Variants in DIP2A observed in about 807,000 individuals in gnomAD.
The protein encoded by DIP2A is disco-interacting protein 2 homolog A.
Under a neutral mutation model 177.4 loss-of-function variants are expected in DIP2A, and 85 were observed. That is an observed-to-expected ratio of 0.48 (90% CI 0.40 to 0.57). The LOEUF (loss-of-function observed/expected upper bound fraction) is 0.57, where lower values mean the gene tolerates loss of function less well. DIP2A is among the 20% of genes least tolerant of loss of function. The probability of loss-of-function intolerance (pLI) is 0.00; values close to 1 mark genes in which losing one functional copy is unlikely to be tolerated. For missense variants in DIP2A, 1,791 were observed against 2,100.2 expected (o/e 0.85, Z 2.88); for synonymous variants, 886 against 881.8 (o/e 1.00, Z -0.08).
At chr21:46,554,500 C>A in intron 26 of DIP2A, 75 bp from the exon 27 acceptor site, 1 of 1,577,826 alleles carries the variant, frequency 6.3e-7, no homozygotes, top group Non-Finnish European at 8.6e-7. Flanking sequence ...CCTCCTCTCT[C>A]GCAGGAACAG....
chr21:46,488,836 G>T (rs2056839138), intron 2 of DIP2A, among the ~76,000 whole-genome samples: 1 of 152,074 alleles, frequency 6.6e-6, no homozygotes, highest in South Asian at 2.1e-4. Context: ...ATTGGGTTTT[G>T]TATCTATCTT....
intron 1 of DIP2A, among the ~76,000 whole-genome samples, chr21:46,465,845 C>T (rs1028790785): frequency 5.3e-5 from 8 of 152,072 alleles, no homozygotes; most frequent in Non-Finnish European, 2.9e-5. Context: ...TTTTGAGAAA[C>T]AGCAATTGTG....
Position 46,556,899 on chromosome 21 carries a change from C to A in DIP2A, c.3499-40C>A. On this transcript the variant is annotated intron_variant, in intron 29 of 37. Transcript: ENST00000417564. This position sits in a 1 kb window ranked among gnomAD's most constrained non-coding sequence, Gnocchi z 4.5. The stretch of plus-strand genomic sequence containing the variant: ...ATCCACCCTCTCCCCTCCTGAATTT[C>A]ATTTCACTTTTTTTTTTTGAACTTT... The A allele has an allele frequency of 6.6e-7, 1 of 1,506,232 alleles. No individual in the cohort carries two copies. The highest frequency in any genetic ancestry group is 2.5e-5 in the East Asian group (1 of 40,560). 93.3% of individuals were successfully genotyped at this position (1,506,232 alleles called of 1,614,324 possible).
At chr21:46,473,467 AG>A (rs36017287) in intron 1 of DIP2A, among the ~76,000 whole-genome samples, 3,997 of 117,970 alleles carry the variant, frequency 0.034, 96 homozygotes, top group African/African-American at 0.068. Context: ...GGAAAAAAAA[AG>A]GGGGGGGGGC....
At chr21:46,478,991 T>C (rs2056139114) in intron 1 of DIP2A, among the ~76,000 whole-genome samples, 1 of 152,192 alleles carries the variant, frequency 6.6e-6, no homozygotes, top group Admixed American at 6.5e-5. Flanking sequence ...TGGGAATAGA[T>C]GCAGTCCAAG....
At chr21:46,546,246 A>G (rs1014109875) in intron 20 of DIP2A, 3 of 1,232,388 alleles carry the variant, frequency 2.4e-6, no homozygotes, top group East Asian at 3.4e-5. Flanking sequence ...AGTATTCATT[A>G]TATCATTCTT....
intron 13 of DIP2A, among the ~76,000 whole-genome samples, chr21:46,536,819 G>A (rs891642622): frequency 6.6e-6 from 1 of 151,834 alleles, no homozygotes; most frequent in Non-Finnish European, 1.5e-5. Flanking sequence ...CAGGAGAATT[G>A]CTTGAACCTG....
rs1168153777 is a variant in DIP2A, at chr21:46,464,817, C to CTTTTTTTTTTTTTTTTTTTTTTTTT, written c.91+5598_91+5622dup. On this transcript the variant is annotated intron_variant, in intron 1 of 37. Transcript: ENST00000417564. ...TCTTCCTTTTTCTTAATATTCATGT[C>CTTTTTTTTTTTTTTTTTTTTTTTTT]TTTTTTTTTTTTTTTTTTTTTTTTT... 3.5e-4 allele frequency among the ~76,000 whole-genome samples: 26 copies of CTTTTTTTTTTTTTTTTTTTTTTTTT among 73,438 alleles called. 5 individuals are homozygous for CTTTTTTTTTTTTTTTTTTTTTTTTT. Among genetic ancestry groups the CTTTTTTTTTTTTTTTTTTTTTTTTT allele is most frequent in the South Asian group, 5.3e-4 (1 of 1,870 alleles). The allele number at this position is 73,438 out of a possible 152,430, so 48.2% of individuals were successfully genotyped here. A position where few individuals can be genotyped will look rare whatever the true frequency, so the allele number is the denominator to read the frequency against.
intron 21 of DIP2A, 95 bp downstream of exon 21, chr21:46,547,137 AT>A: frequency 6.6e-7 from 1 of 1,516,728 alleles, no homozygotes; most frequent in Non-Finnish European, 8.9e-7. Context: ...GCAAACTTGA[AT>A]TCACAAAGCC....
intron 18 of DIP2A, among the ~76,000 whole-genome samples, chr21:46,543,541 G>GCTCCCCAAGGCA (rs1569078089): frequency 8.1e-5 from 2 of 24,772 alleles, no homozygotes; most frequent in Non-Finnish European, 1.5e-4. Context: ...CGTGCAAAGC[G>GCTCCCCAAGGCA]CTCCCCCAGG....
intron 25 of DIP2A, chr21:46,553,930 G>A (rs927303698): frequency 1.1e-5 from 3 of 280,206 alleles, no homozygotes; most frequent in Admixed American, 1.1e-4. Flanking sequence ...TTGAGAGGCT[G>A]AGGCGGGCAG....
At position 46,557,159 on chromosome 21, in the gene DIP2A, C is replaced by T; in HGVS notation, c.3629+90C>T. 2 of 1,419,168 alleles carry T rather than the reference C, an allele frequency of 1.4e-6. No individual in the cohort carries two copies. Among genetic ancestry groups the T allele is most frequent in the South Asian group, 2.8e-5 (2 of 72,718 alleles). 87.9% of individuals were successfully genotyped at this position (1,419,168 alleles called of 1,614,324 possible). A position where few individuals can be genotyped will look rare whatever the true frequency, so the allele number is the denominator to read the frequency against. ...CCTTCTAAGGCACCTTTTCTGGGTGCTCAGGAAGCCGATGAGATGTGTGTG... is the reference window on the plus strand; with the variant it reads ...CCTTCTAAGGCACCTTTTCTGGGTGTTCAGGAAGCCGATGAGATGTGTGTG... On this transcript the variant is annotated intron_variant, in intron 30 of 37. Transcript: ENST00000417564. This position sits in a 1 kb window ranked among gnomAD's most constrained non-coding sequence, Gnocchi z 6.0.
Position 46,554,875 on chromosome 21 carries a change from G to T in DIP2A, c.3330G>T (p.Arg1110Ser), listed in dbSNP as rs545302132. 2 of 1,551,270 alleles carry T rather than the reference G, an allele frequency of 1.3e-6. No homozygotes were observed. Among genetic ancestry groups the T allele is most frequent in the Non-Finnish European group, 1.7e-6 (2 of 1,147,836 alleles). ...CGCAGGCTGTCACACGGCTGCTCAGGTCCAAGGAGGCTGCTGCTGCCGTGG... is the reference window on the plus strand; with the variant it reads ...CGCAGGCTGTCACACGGCTGCTCAGTTCCAAGGAGGCTGCTGCTGCCGTGG... ...LTTQAVTRLL[R>S]SKEAAAAVDI... Residue 1110 changes from arginine (R) to serine (S), a missense_variant, in exon 28 of 38, where the codon AGG becomes AGT. Coordinates refer to ENST00000417564, the MANE Select transcript of DIP2A (RefSeq NM_015151.4).
chr21:46,544,333 G>T (rs112711875), intron 18 of DIP2A, among the ~76,000 whole-genome samples: 66 of 152,312 alleles, frequency 4.3e-4, no homozygotes, highest in South Asian at 3.1e-3. Flanking sequence ...CGGAAAGGCC[G>T]AGAAATTGAA....
rs8127425 is a variant in DIP2A, at chr21:46,563,208, G to A, written c.4090-650G>A. Among the ~76,000 whole-genome samples the A allele has an allele frequency of 5.5e-4, 84 of 152,240 alleles. No homozygotes were observed. The highest frequency in any genetic ancestry group is 1.9e-3 in the African/African-American group (78 of 41,546). ...CGTAGCTCACACCTCCCTGTGGCCC[G>A]TCGTCCCCTCCTCTTGCCTGCCCTG... is the stretch of plus-strand genomic sequence containing the variant. On this transcript the variant is annotated intron_variant, in intron 34 of 37. Coordinates refer to ENST00000417564, the MANE Select transcript of DIP2A (RefSeq NM_015151.4). This position sits in a 1 kb window ranked among gnomAD's most constrained non-coding sequence, Gnocchi z 4.3.
At position 46,498,794 on chromosome 21, in the gene DIP2A, A is replaced by C. The variant is rs1360198742; in HGVS notation, c.616A>C (p.Thr206Pro). 3 of 1,613,610 alleles carry C rather than the reference A, an allele frequency of 1.9e-6. No homozygotes were observed. The highest frequency in any genetic ancestry group is 1.7e-6 in the Non-Finnish European group (2 of 1,179,848). ...SAAATPGAAA[T>P]TALAGLEAHT... is the part of the protein sequence containing the mutation. The stretch of plus-strand genomic sequence containing the variant: ...TGCAGCCACGCCGGGGGCCGCCGCT[A>C]CCACTGCACTCGCAGGCCTCGAGGC... The change falls in exon 5 of 38, where the codon ACC becomes CCC. Residue 206 changes from threonine to proline, a missense_variant. Coordinates refer to ENST00000417564, the MANE Select transcript of DIP2A (RefSeq NM_015151.4). The surrounding 1 kb of genome is among the most constrained non-coding windows in gnomAD (Gnocchi z 4.3).
In DIP2A at chr21:46,539,921, A is replaced by G; in HGVS notation, c.1966A>G (p.Arg656Gly). ...CDAFLNVFQS[R>G]GLRPEVICPC... ...CGCCTTCCTCAACGTCTTCCAGTCCAGAGGTCTGAGGCCAGAGGTCATCTG... is the reference window on the plus strand; with the variant it reads ...CGCCTTCCTCAACGTCTTCCAGTCCGGAGGTCTGAGGCCAGAGGTCATCTG... The change falls in exon 17 of 38, where the codon AGA becomes GGA. Residue 656 changes from arginine (R) to glycine (G), a missense_variant. Arg to Gly is a moderately radical substitution (Grantham distance 125, BLOSUM62 -2). Coordinates refer to ENST00000417564, the MANE Select transcript of DIP2A (RefSeq NM_015151.4). 6.2e-7 allele frequency: 1 copy of G among 1,613,994 alleles called. No homozygotes were observed. The highest frequency in any genetic ancestry group is 8.5e-7 in the Non-Finnish European group (1 of 1,179,882).
chr21:46,480,072 TG>T (rs774653073), intron 1 of DIP2A, among the ~76,000 whole-genome samples: 20,877 of 102,890 alleles, frequency 0.2, 1,757 homozygotes, highest in Middle Eastern at 0.27. Flanking sequence ...TTTTTTTTTT[TG>T]TGTGGCATCT....
At chr21:46,560,848 G>A (rs1318690813) in intron 33 of DIP2A, 65 bp downstream of exon 33, 7 of 1,552,914 alleles carry the variant, frequency 4.5e-6, no homozygotes, top group Non-Finnish European at 5.2e-6. Context: ...AACCAGGTCT[G>A]CACTGACTAT....
Sources: gnomAD v4.1 joint callset for allele counts (sites outside exome capture counted in the v4.1 genomes callset) on GRCh38, gnomAD v4.1.1 for gene constraint, Gnocchi (gnomAD v3.1) non-coding constraint, MANE v1.5 for transcripts, NCBI Gene and HGNC (gene_info 2026-07-23, HGNC 2026-07-21) for gene names.